PHACTR1: variants seen among roughly 807,000 people sequenced by gnomAD.
The protein encoded by PHACTR1 is phosphatase and actin regulator 1.
Under a neutral mutation model 69.2 loss-of-function variants are expected in PHACTR1, and 16 were observed. That is an observed-to-expected ratio of 0.23 (90% CI 0.16 to 0.35). PHACTR1 has a LOEUF of 0.35. Among genes scored for constraint, PHACTR1 ranks in the 10% least tolerant of loss-of-function variants. The probability of loss-of-function intolerance (pLI) is 1.00; values close to 1 mark genes in which losing one functional copy is unlikely to be tolerated. For missense variants in PHACTR1, 510 were observed against 734.7 expected (o/e 0.69, Z 3.54); for synonymous variants, 312 against 284.5 (o/e 1.10, Z -0.97).
intron 4 of PHACTR1, among the ~76,000 whole-genome samples, chr6:12,823,870 C>A (rs1481307612): frequency 6.6e-6 from 1 of 152,174 alleles, no homozygotes; most frequent in Admixed American, 6.5e-5. Flanking sequence ...TTCACTGCTT[C>A]TTTGGGGTGT....
At chr6:13,170,178 T>G (rs995674352) in intron 6 of PHACTR1, among the ~76,000 whole-genome samples, 1 of 152,090 alleles carries the variant, frequency 6.6e-6, no homozygotes, top group African/African-American at 2.4e-5. Flanking sequence ...AGCAAGAAAA[T>G]TTTGCACCAA....
chr6:13,186,554 C>A (rs1762849062), intron 7 of PHACTR1, among the ~76,000 whole-genome samples: 1 of 152,162 alleles, frequency 6.6e-6, no homozygotes, highest in South Asian at 2.1e-4. Context: ...AGATTATGCA[C>A]CCTTTAAGGC....
chr6:13,283,601 C>A lies in PHACTR1; in HGVS notation c.1650+39C>A, dbSNP rs778529300. The stretch of plus-strand genomic sequence containing the variant: ...AGTGCTGGAGAGTGGGAGGCAGGAC[C>A]GTCTGCTGGGTCTCGCTGGGCTCAC... On this transcript the variant is annotated intron_variant, in intron 13 of 14. Coordinates refer to ENST00000332995, the MANE Select transcript of PHACTR1 (RefSeq NM_030948.6). The surrounding 1 kb of genome is among the most constrained non-coding windows in gnomAD (Gnocchi z 4.7). The A allele has an allele frequency of 3.1e-6, 5 of 1,613,214 alleles. No individual in the cohort carries two copies. Among genetic ancestry groups the A allele is most frequent in the South Asian group, 2.2e-5 (2 of 91,044 alleles).
intron 5 of PHACTR1, among the ~76,000 whole-genome samples, chr6:13,075,319 T>G (rs1810260332): frequency 6.6e-6 from 1 of 152,164 alleles, no homozygotes; most frequent in African/African-American, 2.4e-5. Context: ...CGCGTGGCTC[T>G]TAAAGAACAA....
intron 4 of PHACTR1, among the ~76,000 whole-genome samples, chr6:12,887,970 G>A (rs1016388175): frequency 1.3e-5 from 2 of 150,452 alleles, no homozygotes; most frequent in Admixed American, 6.7e-5. Flanking sequence ...CTACTCGGGA[G>A]GCTGAAGCAG....
At chr6:12,883,672 G>T (rs760331054) in intron 4 of PHACTR1, among the ~76,000 whole-genome samples, 14 of 152,122 alleles carry the variant, frequency 9.2e-5, no homozygotes, top group Non-Finnish European at 2.9e-5. Context: ...CTCAGGTCCT[G>T]TTTTCTCCTT....
intron 4 of PHACTR1, among the ~76,000 whole-genome samples, chr6:12,884,386 A>G (rs1783420845): frequency 6.6e-6 from 1 of 151,942 alleles, no homozygotes; most frequent in Non-Finnish European, 1.5e-5. Flanking sequence ...AGACAAGTAC[A>G]TAATTGGTTT....
At chr6:12,862,207 T>C (rs1781011450) in intron 4 of PHACTR1, among the ~76,000 whole-genome samples, 1 of 152,132 alleles carries the variant, frequency 6.6e-6, no homozygotes, top group South Asian at 2.1e-4. Flanking sequence ...CCAACCTCAA[T>C]ATTCCGTATG....
chr6:12,858,137 A>G (rs1029166656), intron 4 of PHACTR1, among the ~76,000 whole-genome samples: 1 of 152,212 alleles, frequency 6.6e-6, no homozygotes, highest in Non-Finnish European at 1.5e-5. Context: ...AAGGCACACA[A>G]TGAGTTTGGC....
chr6:13,105,878 A>T (rs1318477887), intron 5 of PHACTR1, among the ~76,000 whole-genome samples: 1 of 152,184 alleles, frequency 6.6e-6, no homozygotes, highest in African/African-American at 2.4e-5. Flanking sequence ...ATTTTTTAAG[A>T]ATAAAAGGGT....
intron 5 of PHACTR1, among the ~76,000 whole-genome samples, chr6:13,122,867 G>C (rs1308844186): frequency 6.6e-6 from 1 of 152,128 alleles, no homozygotes; most frequent in Non-Finnish European, 1.5e-5. Context: ...AGACAAACAA[G>C]GGTTACTACC....
intron 5 of PHACTR1, among the ~76,000 whole-genome samples, chr6:13,146,377 A>G (rs1427459035): frequency 6.6e-6 from 1 of 152,228 alleles, no homozygotes; most frequent in Non-Finnish European, 1.5e-5. Context: ...GTTCAAAATT[A>G]TTAGCTAACT....
At chr6:12,820,374 G>T (rs1271393448) in intron 4 of PHACTR1, among the ~76,000 whole-genome samples, 3 of 152,096 alleles carry the variant, frequency 2.0e-5, no homozygotes, top group Non-Finnish European at 2.9e-5. Flanking sequence ...TAGAGACAGG[G>T]TTTCACCATG....
At chr6:13,015,518 G>T (rs1480155133) in intron 4 of PHACTR1, among the ~76,000 whole-genome samples, 1 of 152,222 alleles carries the variant, frequency 6.6e-6, no homozygotes, top group African/African-American at 2.4e-5. Flanking sequence ...CCTTTCCCAT[G>T]TAACGCAACA....
intron 10 of PHACTR1, among the ~76,000 whole-genome samples, chr6:13,233,513 A>G (rs1358314981): frequency 6.6e-6 from 1 of 152,204 alleles, no homozygotes; most frequent in East Asian, 1.9e-4. Context: ...GGTCTCAGGA[A>G]ACTTACAATC....
At chr6:12,774,606 C>T (rs1412407380) in intron 4 of PHACTR1, among the ~76,000 whole-genome samples, 1 of 152,144 alleles carries the variant, frequency 6.6e-6, no homozygotes, top group Non-Finnish European at 1.5e-5. Context: ...GTTGGCCAGG[C>T]TGGTCTCAAA....
chr6:13,035,436 T>TA (rs397774939), intron 4 of PHACTR1, among the ~76,000 whole-genome samples: 17 of 152,006 alleles, frequency 1.1e-4, no homozygotes, highest in Middle Eastern at 3.4e-3. Flanking sequence ...GATTTTTTTT[T>TA]AAACCTAACA....
intron 5 of PHACTR1, among the ~76,000 whole-genome samples, chr6:13,088,688 T>C (rs188754626): frequency 2.6e-5 from 4 of 152,328 alleles, no homozygotes; most frequent in Admixed American, 2.6e-4. Context: ...AAGATGTTCC[T>C]TTCTCCTTAT....
rs1324754664 is a variant in PHACTR1, at chr6:13,179,444, G to A, written c.497-3075G>A. 7.0e-6 allele frequency among the ~76,000 whole-genome samples: 1 copy of A among 141,920 alleles called. No individual in the cohort carries two copies. Among genetic ancestry groups the A allele is most frequent in the South Asian group, 2.3e-4 (1 of 4,364 alleles). The allele number at this position is 141,920 out of a possible 152,430, so 93.1% of individuals were successfully genotyped here. On this transcript the variant is annotated intron_variant, in intron 6 of 14. Transcript: ENST00000332995. The surrounding 1 kb of genome is among the most constrained non-coding windows in gnomAD (Gnocchi z 4.2). ...TGTGTGTGTGTGTGTGTGTGTGTGT[G>A]TTTAAAAATGTCATAATAAAAAATT...
Sources: gnomAD v4.1 joint callset for allele counts (sites outside exome capture counted in the v4.1 genomes callset) on GRCh38, gnomAD v4.1.1 for gene constraint, Gnocchi (gnomAD v3.1) non-coding constraint, MANE v1.5 for transcripts, NCBI Gene and HGNC (gene_info 2026-07-23, HGNC 2026-07-21) for gene names.